Variants in PDXDC1 observed in about 807,000 individuals in gnomAD.
PDXDC1 encodes the protein pyridoxal-dependent decarboxylase domain-containing protein 1.
Under a neutral mutation model 100.1 loss-of-function variants are expected in PDXDC1, and 42 were observed. The ratio of observed to expected loss-of-function variants is 0.42; its 90% CI spans 0.33 to 0.54. PDXDC1 has a LOEUF of 0.54. PDXDC1 is among the 20% of genes least tolerant of loss of function. PDXDC1 has a pLI of 0.10. For synonymous variants in PDXDC1, 260 were observed against 371.7 expected (o/e 0.70, Z 3.46); for missense variants, 636 against 979.2 (o/e 0.65, Z 4.68).
intron 4 of PDXDC1, among the ~76,000 whole-genome samples, chr16:15,003,019 A>G (rs898275243): frequency 2.6e-5 from 4 of 152,266 alleles, no homozygotes; most frequent in African/African-American, 9.6e-5. Context: ...TTTTCTTATT[A>G]TTCACAGTTA....
chr16:15,009,148 G>GAGTT (rs1252687438), intron 7 of PDXDC1, among the ~76,000 whole-genome samples: 1 of 152,276 alleles, frequency 6.6e-6, no homozygotes, highest in Non-Finnish European at 1.5e-5. Context: ...TACTTTTAAT[G>GAGTT]AGTTAGCACT....
intron 21 of PDXDC1, 72 bp downstream of exon 21, chr16:15,034,625 C>A: frequency 9.4e-7 from 1 of 1,066,708 alleles, no homozygotes; most frequent in Non-Finnish European, 1.5e-6. Context: ...TGGGTCCCAA[C>A]ACTTCCCACT....
intron 16 of PDXDC1, chr16:15,128,413 G>A (rs1285836218): frequency 1.4e-6 from 2 of 1,410,560 alleles, no homozygotes; most frequent in Admixed American, 3.5e-5. Context: ...GGGAGGGGTG[G>A]GAGGCTCGGT....
chr16:15,031,012 C>T (rs1400943259), intron 16 of PDXDC1, among the ~76,000 whole-genome samples: 2 of 150,002 alleles, frequency 1.3e-5, no homozygotes, highest in Admixed American at 1.3e-4. Flanking sequence ...AATGCAGTGT[C>T]TTCACCATAG....
At chr16:15,071,210 C>T (rs979936352) in intron 16 of PDXDC1, 1 of 1,610,946 alleles carries the variant, frequency 6.2e-7, no homozygotes, top group South Asian at 1.1e-5. Context: ...TTGGGTCCTG[C>T]AATTTTTTCC....
intron 16 of PDXDC1, chr16:15,045,623 AAAAC>A (rs1449725735): frequency 6.6e-6 from 1 of 152,510 alleles, no homozygotes; most frequent in African/African-American, 2.4e-5. Flanking sequence ...AAAACAAAAC[AAAAC>A]AAAAAGACTG....
chr16:14,977,492 A>G (rs1966966309), intron 1 of PDXDC1, among the ~76,000 whole-genome samples: 1 of 152,258 alleles, frequency 6.6e-6, no homozygotes, highest in Non-Finnish European at 1.5e-5. Context: ...GTTGGTCAGG[A>G]TGGTCTCAAA....
At chr16:15,125,915 G>A in intron 16 of PDXDC1, 1 of 653,114 alleles carries the variant, frequency 1.5e-6, no homozygotes. Flanking sequence ...CCATCTGACA[G>A]AATGTCCTAG....
intron 16 of PDXDC1, among the ~76,000 whole-genome samples, chr16:15,111,149 CACACACA>C (rs1329902685): frequency 6.8e-6 from 1 of 146,380 alleles, no homozygotes; most frequent in African/African-American, 2.5e-5. Context: ...CACACACACA[CACACACA>C]AAACACACAA....
At chr16:15,137,286 G>T (rs890079131) in intron 16 of PDXDC1, 11,521 of 857,250 alleles carry the variant, frequency 0.013, 95 homozygotes, top group Non-Finnish European at 0.016. Context: ...AGGAGGGTGG[G>T]GCCCCTACAG....
At chr16:15,133,389 T>C (rs2048201468) in intron 16 of PDXDC1, 4 of 1,058,600 alleles carry the variant, frequency 3.8e-6, no homozygotes, top group Non-Finnish European at 5.7e-6. Flanking sequence ...CCCATTGCGC[T>C]GCCGTTGGGC....
intron 16 of PDXDC1, chr16:15,086,300 A>G (rs1567220333): frequency 6.9e-6 from 11 of 1,596,640 alleles, no homozygotes; most frequent in African/African-American, 2.7e-5. Context: ...TGTTATTAAT[A>G]TAACATATAC....
At chr16:15,142,135 T>C (rs1353378599), downstream of PDXDC1, among the ~76,000 whole-genome samples, 6 of 152,136 alleles carry the variant, frequency 3.9e-5, no homozygotes, top group Non-Finnish European at 8.8e-5. Flanking sequence ...CTGAAGATGT[T>C]TGGCCACACC....
At chr16:15,011,018 T>G (rs2041217337) in intron 8 of PDXDC1, among the ~76,000 whole-genome samples, 1 of 152,284 alleles carries the variant, frequency 6.6e-6, no homozygotes, top group Admixed American at 6.5e-5. Flanking sequence ...ATCTGTAGAT[T>G]CAACTTGATC....
intron 3 of PDXDC1, 84 bp downstream of exon 3, chr16:14,998,489 G>C (rs1972477023): frequency 1.3e-6 from 2 of 1,482,550 alleles, no homozygotes; most frequent in Non-Finnish European, 1.8e-6. Flanking sequence ...CTGTTGCCCA[G>C]GATGGTGTGC....
the PDXDC1 span, among the ~76,000 whole-genome samples, chr16:15,148,370 A>ATTTTTTTTTTTTTTT: frequency 2.3e-4 from 8 of 34,118 alleles, 2 homozygotes; most frequent in African/African-American, 5.9e-4. Context: ...AGATCCTGTG[A>ATTTTTTTTTTTTTTT]TTTTTTTTTT....
At chr16:15,132,622 G>T in intron 16 of PDXDC1, 1 of 778,350 alleles carries the variant, frequency 1.3e-6, no homozygotes. Context: ...CCAGGCTGGA[G>T]GCTCAGCTCC....
At chr16:14,976,040 C>T (rs531611959) in intron 1 of PDXDC1, among the ~76,000 whole-genome samples, 1 of 152,424 alleles carries the variant, frequency 6.6e-6, no homozygotes, top group South Asian at 2.1e-4. Flanking sequence ...GGGGGAACGG[C>T]AGCGTGGTGT....
At chr16:15,046,833 C>T (rs967362456) in intron 16 of PDXDC1, among the ~76,000 whole-genome samples, 8 of 151,604 alleles carry the variant, frequency 5.3e-5, no homozygotes, top group Admixed American at 2.0e-4. Flanking sequence ...TGAGATCACA[C>T]AACTGTGCTC....
Sources: gnomAD v4.1 joint callset for allele counts (sites outside exome capture counted in the v4.1 genomes callset) on GRCh38, gnomAD v4.1.1 for gene constraint, MANE v1.5 for transcripts, NCBI Gene and HGNC (gene_info 2026-07-23, HGNC 2026-07-21) for gene names.